CSMD1: variants seen among roughly 807,000 people sequenced by gnomAD.
The protein encoded by CSMD1 is CUB and Sushi multiple domains 1.
In CSMD1, 213 loss-of-function variants were observed where a neutral mutation model predicts 417.5. The observed-to-expected ratio is 0.51, with a 90% confidence interval of 0.46 to 0.57. The LOEUF (loss-of-function observed/expected upper bound fraction) is 0.57. Among genes scored for constraint, CSMD1 ranks in the 20% least tolerant of loss-of-function variants. The pLI, the probability that CSMD1 is intolerant of heterozygous loss-of-function variation, is 0.00. For synonymous variants in CSMD1, 2,862 were observed against 1,736.8 expected, an observed-to-expected ratio of 1.65 and a Z score of -16.11; for missense variants, 6,923 against 4,529.7, an observed-to-expected ratio of 1.53 and a Z score of -15.17.
intron 1 of CSMD1, among the ~76,000 whole-genome samples, chr8:4,728,694 T>C (rs1809635709): frequency 1.3e-5 from 2 of 152,156 alleles, no homozygotes; most frequent in South Asian, 4.1e-4. Flanking sequence ...TCCACATTGT[T>C]TTACATATTT....
rs1459689839 is a variant in CSMD1 at position 4,345,614 on chromosome 8, A to T, written c.415+74339T>A. Among the ~76,000 whole-genome samples the T allele has an allele frequency of 2.0e-5, 3 of 152,132 alleles. No individual in the cohort carries two copies. The South Asian group carries it at 6.2e-4, about 32-fold the overall frequency. ...GAGGAAATCACAGAAAACAAAAACA[A>T]AAAGTACCAAAATAATTACTGAAAC... On this transcript the variant is annotated intron_variant, in intron 3 of 69. Coordinates refer to ENST00000635120, the MANE Select transcript of CSMD1 (RefSeq NM_033225.6).
intron 3 of CSMD1, among the ~76,000 whole-genome samples, chr8:4,193,122 G>C (rs949917409): frequency 6.6e-5 from 10 of 152,134 alleles, no homozygotes; most frequent in African/African-American, 2.2e-4. Flanking sequence ...AATTCTCTGA[G>C]CTTTCAGGAA....
At chr8:4,197,104 G>A (rs913931368) in intron 3 of CSMD1, among the ~76,000 whole-genome samples, 1 of 152,134 alleles carries the variant, frequency 6.6e-6, no homozygotes, top group Non-Finnish European at 1.5e-5. Flanking sequence ...TGAAGACAAT[G>A]CAAAGTGTGT....
intron 2 of CSMD1, among the ~76,000 whole-genome samples, chr8:4,482,197 T>A (rs183064448): frequency 6.6e-6 from 1 of 152,276 alleles, no homozygotes; most frequent in African/African-American, 2.4e-5. Context: ...ACCCCCCAAG[T>A]ATTAAGCCAA....
chr8:4,961,963 G>C (rs924320747), intron 1 of CSMD1, among the ~76,000 whole-genome samples: 2 of 151,514 alleles, frequency 1.3e-5, no homozygotes, highest in Non-Finnish European at 2.9e-5. Flanking sequence ...GATATTTCTT[G>C]TCTTTGAATG....
At chr8:3,603,380 C>A (rs894296066) in intron 8 of CSMD1, among the ~76,000 whole-genome samples, 1 of 152,104 alleles carries the variant, frequency 6.6e-6, no homozygotes, top group African/African-American at 2.4e-5. Context: ...TTAGGCGCGG[C>A]AGGCTCAAAT....
Position 3,439,309 on chromosome 8 carries a change from A to ATTTTTTTTT in CSMD1, c.1561+29394_1561+29402dup, listed in dbSNP as rs1554552766. On this transcript the variant is annotated intron_variant, in intron 12 of 69. Coordinates refer to ENST00000635120, the MANE Select transcript of CSMD1 (RefSeq NM_033225.6). ...TATATATATATATATATATATATAT[A>ATTTTTTTTT]TTTTTTTTTTTAATATGTATTTTTA... Among the ~76,000 whole-genome samples the ATTTTTTTTT allele has an allele frequency of 2.2e-4, 14 of 62,442 alleles. No homozygotes were observed. The East Asian group carries it at 2.3e-3, about 10-fold the overall frequency. The allele number at this position is 62,442 out of a possible 152,430, so 41.0% of individuals were successfully genotyped here. A position where few individuals can be genotyped will look rare whatever the true frequency, so the allele number is the denominator to read the frequency against.
chr8:4,596,743 T>C (rs1800300357), intron 2 of CSMD1, among the ~76,000 whole-genome samples: 1 of 152,148 alleles, frequency 6.6e-6, no homozygotes, highest in African/African-American at 2.4e-5. Context: ...ACAAACGAAA[T>C]ACACACATGA....
intron 23 of CSMD1, among the ~76,000 whole-genome samples, chr8:3,337,878 G>C (rs1235281967): frequency 6.6e-6 from 1 of 152,136 alleles, no homozygotes; most frequent in African/African-American, 2.4e-5. Flanking sequence ...TTCTACCTCT[G>C]TTCAAACTTC....
At chr8:3,291,284 C>A (rs939282964) in intron 25 of CSMD1, among the ~76,000 whole-genome samples, 3 of 152,052 alleles carry the variant, frequency 2.0e-5, no homozygotes, top group Non-Finnish European at 2.9e-5. Flanking sequence ...GTCTAAAATT[C>A]TCTTTTTTTG....
chr8:3,786,393 G>A (rs982644774), intron 5 of CSMD1, among the ~76,000 whole-genome samples: 2 of 152,080 alleles, frequency 1.3e-5, no homozygotes, highest in African/African-American at 4.8e-5. Flanking sequence ...GTGAGAAGAA[G>A]AGGATCGAAC....
At chr8:3,214,828 G>C (rs996145544) in intron 29 of CSMD1, 137 bp from the exon 30 acceptor site, 9 of 500,516 alleles carry the variant, frequency 1.8e-5, no homozygotes, top group African/African-American at 7.8e-5. Flanking sequence ...AATGCTCAAA[G>C]AATATTTATT....
rs968007465 is a variant in CSMD1, at chr8:4,912,366, T to C, written c.85+81966A>G. Among the ~76,000 whole-genome samples the C allele has an allele frequency of 2.1e-3, 311 of 149,630 alleles. 9 individuals carry two copies. The East Asian group carries it at 0.027, about 13-fold the overall frequency. ...TTAAGAAATCATTTTCTGCTTTTTT[T>C]TTTTTTTTTCTTTTCACAGGAAAAC... On this transcript the variant is annotated intron_variant, in intron 1 of 69. Transcript: ENST00000635120.
intron 4 of CSMD1, among the ~76,000 whole-genome samples, chr8:4,028,016 G>A (rs1184490517): frequency 6.6e-6 from 1 of 152,150 alleles, no homozygotes; most frequent in African/African-American, 2.4e-5. Flanking sequence ...AACAGTCTGT[G>A]GAAAGCAGAT....
intron 48 of CSMD1, among the ~76,000 whole-genome samples, chr8:3,090,611 C>A (rs1046559637): frequency 6.6e-6 from 1 of 152,122 alleles, no homozygotes; most frequent in African/African-American, 2.4e-5. Context: ...CCTTTGGACG[C>A]TCGTAGTCCC....
intron 3 of CSMD1, among the ~76,000 whole-genome samples, chr8:4,284,824 G>T (rs186199741): frequency 6.6e-6 from 1 of 151,996 alleles, no homozygotes; most frequent in East Asian, 1.9e-4. Flanking sequence ...ATGTGGCCGT[G>T]TTCAAAAACA....
At chr8:4,011,329 TG>T (rs1816518062) in intron 4 of CSMD1, among the ~76,000 whole-genome samples, 2 of 152,200 alleles carry the variant, frequency 1.3e-5, no homozygotes, top group African/African-American at 2.4e-5. Flanking sequence ...GTGCTCCAAT[TG>T]CCCCCATTCA....
intron 49 of CSMD1, among the ~76,000 whole-genome samples, chr8:3,080,473 G>A (rs1213431040): frequency 6.6e-6 from 1 of 152,176 alleles, no homozygotes; most frequent in African/African-American, 2.4e-5. Context: ...GGAGTTCCCT[G>A]AAACCAATAA....
intron 18 of CSMD1, among the ~76,000 whole-genome samples, chr8:3,378,472 T>G (rs1457907093): frequency 6.6e-6 from 1 of 152,126 alleles, no homozygotes; most frequent in Non-Finnish European, 1.5e-5. Context: ...CCAATATCCC[T>G]GAAGAACACC....
Sources: allele counts gnomAD v4.1 joint callset (sites outside exome capture counted in the v4.1 genomes callset), GRCh38; gene constraint gnomAD v4.1.1; transcripts MANE v1.5; gene names NCBI Gene and HGNC (gene_info 2026-07-23, HGNC 2026-07-21).